The following RRBP1 variants were observed in gnomAD, a reference collection of about 807,000 sequenced individuals.
RRBP1 encodes the protein ribosome-binding protein 1.
RRBP1 carries 94 observed loss-of-function variants against 165.2 expected under a neutral mutation model. The ratio of observed to expected loss-of-function variants is 0.57; its 90% CI spans 0.48 to 0.68. RRBP1 has a LOEUF of 0.68. Ranked by LOEUF, RRBP1 falls within the 30% of genes least tolerant of loss-of-function variation. The pLI is 0.00. For synonymous variants in RRBP1, 680 were observed against 714.5 expected (o/e 0.95, Z 0.77); for missense variants, 1,676 against 1,763.0 (o/e 0.95, Z 0.88).
chr20:17,631,962 T>C (rs1307876353), intron 8 of RRBP1, among the ~76,000 whole-genome samples: 2 of 152,268 alleles, frequency 1.3e-5, no homozygotes, highest in African/African-American at 2.4e-5. Context: ...AGAGTTCACA[T>C]TGAGCTCTTT....
chr20:17,673,054 AG>A (rs1177193667), intron 2 of RRBP1, among the ~76,000 whole-genome samples: 3 of 152,212 alleles, frequency 2.0e-5, no homozygotes, highest in Non-Finnish European at 4.4e-5. Flanking sequence ...CTGGTTAAAC[AG>A]GCATGTTTAG....
At chr20:17,635,000 A>G (rs913919589) in intron 7 of RRBP1, among the ~76,000 whole-genome samples, 2 of 152,170 alleles carry the variant, frequency 1.3e-5, no homozygotes, top group African/African-American at 4.8e-5. Context: ...GGCTTTCGGG[A>G]TAACACAGAG....
intron 24 of RRBP1, 150 bp downstream of exon 24, chr20:17,614,587 C>A: frequency 3.1e-6 from 3 of 977,246 alleles, no homozygotes; most frequent in Non-Finnish European, 4.5e-6. Context: ...GTCCCCACTA[C>A]CTCCGCCCAG....
intron 17 of RRBP1, 57 bp from the exon 18 acceptor site, chr20:17,620,427 G>T: frequency 6.7e-7 from 1 of 1,491,926 alleles, no homozygotes; most frequent in Non-Finnish European, 9.3e-7. Context: ...GTCTCCTTCC[G>T]AGGCCATGCT....
intron 12 of RRBP1, 151 bp downstream of exon 12, chr20:17,625,361 C>G (rs887379026): frequency 2.9e-6 from 2 of 679,272 alleles, no homozygotes; most frequent in African/African-American, 1.8e-5. Context: ...AAGCACCCCC[C>G]ACACCCTGGA....
At chr20:17,647,019 A>G (rs547262104) in intron 3 of RRBP1, among the ~76,000 whole-genome samples, 1 of 152,326 alleles carries the variant, frequency 6.6e-6, no homozygotes, top group East Asian at 1.9e-4. Flanking sequence ...CCCTGGCAGC[A>G]GCTGGTGGTT....
chr20:17,626,158 A>C (rs1404820422), intron 11 of RRBP1, among the ~76,000 whole-genome samples: 2 of 152,332 alleles, frequency 1.3e-5, no homozygotes, highest in African/African-American at 4.8e-5. Context: ...CTGTTTGAGA[A>C]GGAAATAAAA....
At chr20:17,677,145 T>C (rs1029856973) in intron 2 of RRBP1, among the ~76,000 whole-genome samples, 2 of 151,944 alleles carry the variant, frequency 1.3e-5, no homozygotes, top group African/African-American at 4.8e-5. Flanking sequence ...ACAAATTCCA[T>C]GTGAAGGCCA....
intron 13 of RRBP1, chr20:17,623,116 A>G (rs186881216): frequency 2.0e-5 from 3 of 152,354 alleles, no homozygotes; most frequent in Admixed American, 2.0e-4. Flanking sequence ...TGGATGTGTG[A>G]CCACAATCAA....
At chr20:17,653,994 TAAACAGTAATGCAC>T (rs2036604230) in intron 3 of RRBP1, among the ~76,000 whole-genome samples, 1 of 152,192 alleles carries the variant, frequency 6.6e-6, no homozygotes, top group Admixed American at 6.5e-5. Context: ...ACTGCACAGT[TAAACAGTAATGCAC>T]AAACGCATTT....
chr20:17,624,693 C>G, intron 12 of RRBP1, 25 bp from the exon 13 acceptor site: 3 of 1,511,092 alleles, frequency 2.0e-6, no homozygotes, highest in Non-Finnish European at 2.7e-6. Flanking sequence ...GGTGAAAGGT[C>G]AGCAGCCTGC....
intron 5 of RRBP1, among the ~76,000 whole-genome samples, chr20:17,639,492 C>G (rs1862177823): frequency 6.6e-6 from 1 of 152,254 alleles, no homozygotes; most frequent in Non-Finnish European, 1.5e-5. Context: ...TCCATCTCCC[C>G]AGCTCCCGAG....
rs980052496 is a variant in RRBP1, at chr20:17,643,477, T to TC, written c.1913-351dup. 1.3e-5 allele frequency among the ~76,000 whole-genome samples: 2 copies of TC among 152,092 alleles called. No individual in the cohort carries two copies. The highest frequency in any genetic ancestry group is 2.4e-5 in the African/African-American group (1 of 41,400). Reference sequence around the variant, plus strand: ...TAGGCTTTTCTCCCTTCCTTTTTTTTCTCGCAAATGCACTGGTCCTGTTCT... The same window carrying TC: ...TAGGCTTTTCTCCCTTCCTTTTTTTTCCTCGCAAATGCACTGGTCCTGTTCT... On this transcript the variant is annotated intron_variant, in intron 3 of 24. Coordinates refer to ENST00000377813, the MANE Select transcript of RRBP1 (RefSeq NM_001365613.2). This position sits in a 1 kb window ranked among gnomAD's most constrained non-coding sequence, Gnocchi z 4.3.
intron 2 of RRBP1, among the ~76,000 whole-genome samples, chr20:17,666,695 CAG>C (rs1295122941): frequency 1.3e-5 from 2 of 152,194 alleles, no homozygotes; most frequent in Admixed American, 1.3e-4. Context: ...CAGTGCTGAG[CAG>C]AGTCTGTGCA....
intron 18 of RRBP1, 95 bp from the exon 19 acceptor site, chr20:17,619,823 G>A (rs1311790554): frequency 7.3e-6 from 6 of 827,130 alleles, no homozygotes; most frequent in Non-Finnish European, 1.1e-5. Context: ...GGATAGGTGA[G>A]GCCTCTCGGG....
chr20:17,631,727 T>C (rs765747907), intron 8 of RRBP1, among the ~76,000 whole-genome samples: 2 of 152,196 alleles, frequency 1.3e-5, no homozygotes, highest in African/African-American at 2.4e-5. Flanking sequence ...AGACAGGCAA[T>C]GAGGGGCAGG....
intron 1 of RRBP1, among the ~76,000 whole-genome samples, chr20:17,681,494 C>A (rs1048181557): frequency 6.7e-6 from 1 of 148,678 alleles, no homozygotes; most frequent in South Asian, 2.1e-4. Flanking sequence ...GGCCCGTGGG[C>A]CCCCATTCAA....
intron 5 of RRBP1, 114 bp from the exon 6 acceptor site, chr20:17,636,843 C>G: frequency 1.5e-6 from 2 of 1,307,470 alleles, no homozygotes; most frequent in South Asian, 1.3e-5. Context: ...GCACAGACCC[C>G]TCCTGCTGGC....
chr20:17,674,896 G>A (rs1320000311), intron 2 of RRBP1, among the ~76,000 whole-genome samples: 1 of 152,242 alleles, frequency 6.6e-6, no homozygotes, highest in African/African-American at 2.4e-5. Flanking sequence ...TGTCGTCACT[G>A]AAATGCTCAG....
Sources: allele counts gnomAD v4.1 joint callset (sites outside exome capture counted in the v4.1 genomes callset), GRCh38; gene constraint gnomAD v4.1.1; non-coding constraint Gnocchi (gnomAD v3.1); transcripts MANE v1.5; gene names NCBI Gene and HGNC (gene_info 2026-07-23, HGNC 2026-07-21).